Variants in MAP2 observed in about 807,000 individuals in gnomAD.
MAP2 encodes microtubule-associated protein 2.
In MAP2, 14 loss-of-function variants were observed where a neutral mutation model predicts 137.6. The ratio of observed to expected loss-of-function variants is 0.10; its 90% confidence interval spans 0.07 to 0.16. MAP2 has a LOEUF of 0.16. MAP2 is among the 10% of genes least tolerant of loss of function. The pLI, the probability that MAP2 is intolerant of heterozygous loss-of-function variation, is 1.00. For synonymous variants in MAP2, 786 were observed against 782.3 expected, an observed-to-expected ratio of 1.00 and a Z score of -0.08; for missense variants, 2,088 against 2,191.5, an observed-to-expected ratio of 0.95 and a Z score of 0.94.
intron 5 of MAP2, among the ~76,000 whole-genome samples, chr2:209,676,289 C>A (rs2051391067): frequency 6.6e-6 from 1 of 151,800 alleles, no homozygotes; most frequent in Non-Finnish European, 1.5e-5. Flanking sequence ...AACAGAAAAC[C>A]AAATATTGCA....
intron 3 of MAP2, among the ~76,000 whole-genome samples, chr2:209,599,511 A>G (rs1047481207): frequency 4.6e-5 from 7 of 152,178 alleles, no homozygotes; most frequent in Non-Finnish European, 8.8e-5. Context: ...GTGATCATAT[A>G]TCAGACTTTA....
chr2:209,635,044 C>G (rs1239517368), intron 4 of MAP2, among the ~76,000 whole-genome samples: 1 of 152,086 alleles, frequency 6.6e-6, no homozygotes, highest in Non-Finnish European at 1.5e-5. Context: ...CTTGAGAGAG[C>G]TATGATCATG....
At chr2:209,556,827 T>A (rs1292866610) in intron 2 of MAP2, among the ~76,000 whole-genome samples, 1 of 152,110 alleles carries the variant, frequency 6.6e-6, no homozygotes, top group Non-Finnish European at 1.5e-5. Context: ...ACTACATATA[T>A]AAAATTATGT....
intron 3 of MAP2, among the ~76,000 whole-genome samples, chr2:209,600,022 A>G (rs1412819788): frequency 6.6e-6 from 1 of 152,220 alleles, no homozygotes; most frequent in Non-Finnish European, 1.5e-5. Flanking sequence ...TTCTTTCTTG[A>G]TGTTGTTTTG....
chr2:209,617,528 A>C (rs920690618), intron 3 of MAP2, among the ~76,000 whole-genome samples: 4 of 152,134 alleles, frequency 2.6e-5, no homozygotes, highest in African/African-American at 9.7e-5. Flanking sequence ...AAGGAGCCAA[A>C]GTCAAGTCTT....
chr2:209,723,547 C>A (rs1395004326), intron 13 of MAP2: 2 of 1,068,626 alleles, frequency 1.9e-6, no homozygotes, highest in South Asian at 1.3e-5. Context: ...CTTTATCCAG[C>A]ATCTTGATAG....
chr2:209,486,990 G>T (rs553046801), intron 1 of MAP2, among the ~76,000 whole-genome samples: 37 of 152,236 alleles, frequency 2.4e-4, no homozygotes, highest in African/African-American at 8.2e-4. Context: ...ATTTCCTTTT[G>T]TAGTGTATAG....
chr2:209,672,973 A>G (rs983545389), intron 5 of MAP2, among the ~76,000 whole-genome samples: 6 of 151,794 alleles, frequency 4.0e-5, no homozygotes, highest in Non-Finnish European at 5.9e-5. Flanking sequence ...CCTTAATACC[A>G]AGAAAAGATA....
chr2:209,709,068 G>A (rs1411582019), intron 12 of MAP2, among the ~76,000 whole-genome samples: 2 of 152,044 alleles, frequency 1.3e-5, no homozygotes, highest in Middle Eastern at 3.2e-3. Flanking sequence ...GAAAGTGGGG[G>A]GTGGGAATAA....
chr2:209,676,769 A>ATC (rs1559535168), intron 5 of MAP2, among the ~76,000 whole-genome samples: 20 of 94,170 alleles, frequency 2.1e-4, no homozygotes, highest in Admixed American at 1.0e-3. Context: ...ATATATATAT[A>ATC]TATCTCCCAA....
chr2:209,424,664 C>T (rs569769720), intron 1 of MAP2, among the ~76,000 whole-genome samples: 45 of 152,274 alleles, frequency 3.0e-4, no homozygotes, highest in Admixed American at 1.1e-3. Flanking sequence ...AATAGGAAAT[C>T]GAGGTAGGGG....
chr2:209,668,279 G>A (rs1188269361), intron 5 of MAP2, among the ~76,000 whole-genome samples: 1 of 152,004 alleles, frequency 6.6e-6, no homozygotes, highest in African/African-American at 2.4e-5. Context: ...AAGCAATACA[G>A]TGGAGAGATG....
intron 3 of MAP2, among the ~76,000 whole-genome samples, chr2:209,591,416 A>G (rs2079206569): frequency 6.6e-6 from 1 of 152,164 alleles, no homozygotes; most frequent in African/African-American, 2.4e-5. Flanking sequence ...TTCGTTTTCT[A>G]TCTCCTTCTA....
intron 5 of MAP2, among the ~76,000 whole-genome samples, chr2:209,667,399 T>C (rs2046813063): frequency 6.6e-6 from 1 of 151,922 alleles, no homozygotes; most frequent in African/African-American, 2.4e-5. Context: ...CTGTAAAAGT[T>C]GGGAGAAAAG....
intron 13 of MAP2, chr2:209,710,467 G>T: frequency 1.2e-5 from 6 of 485,194 alleles, no homozygotes; most frequent in South Asian, 3.6e-5. Flanking sequence ...TTGTTACTGG[G>T]TAAAAATTTT....
At chr2:209,468,749 A>G (rs1488007943) in intron 1 of MAP2, among the ~76,000 whole-genome samples, 1 of 152,192 alleles carries the variant, frequency 6.6e-6, no homozygotes, top group African/African-American at 2.4e-5. Context: ...AGATAATGAT[A>G]TGGTACCTTT....
chr2:209,730,324 A>G lies in MAP2; in HGVS notation c.5411A>G (p.Asn1804Ser), dbSNP rs1487300224. The change falls in exon 16 of 16, where the codon AAC (asparagine) becomes AGC (serine). Residue 1804 changes from asparagine to serine, a missense_variant. Transcript: ENST00000682079. ...AATGTCTCCTCGTCTGGAAGCATCA[A>G]CCTGCTCGAATCTCCTCAGCTTGCC... ...LSNVSSSGSINLLESPQLATL... is the reference protein window; with the variant it reads ...LSNVSSSGSISLLESPQLATL... The G allele has an allele frequency of 1.9e-6, 3 of 1,614,118 alleles. No homozygotes were observed. The highest frequency in any genetic ancestry group is 2.7e-5 in the African/African-American group (2 of 75,032).
chr2:209,448,238 A>G (rs181784779), intron 1 of MAP2, among the ~76,000 whole-genome samples: 4 of 152,288 alleles, frequency 2.6e-5, no homozygotes, highest in African/African-American at 7.2e-5. Flanking sequence ...TATGTAAAAC[A>G]TAAAATTGCT....
chr2:209,703,981 A>T (rs942076752), intron 11 of MAP2: 4 of 455,332 alleles, frequency 8.8e-6, no homozygotes, highest in African/African-American at 8.0e-5. Context: ...TTTTATTTTT[A>T]ATCAGGGTGT....
Sources: gnomAD v4.1 joint callset for allele counts (sites outside exome capture counted in the v4.1 genomes callset) on GRCh38, gnomAD v4.1.1 for gene constraint, MANE v1.5 for transcripts, NCBI Gene and HGNC (gene_info 2026-07-23, HGNC 2026-07-21) for gene names.